TRAPPC10: variants seen among roughly 807,000 people sequenced by gnomAD.
The protein encoded by TRAPPC10 is trafficking protein particle complex subunit 10.
In TRAPPC10, 23 loss-of-function variants were observed where a neutral mutation model predicts 125.5. The observed-to-expected ratio is 0.18, with a 90% CI of 0.13 to 0.26. TRAPPC10 has a LOEUF of 0.26. Among genes scored for constraint, TRAPPC10 ranks in the 10% least tolerant of loss-of-function variants. The pLI, the probability that TRAPPC10 is intolerant of heterozygous loss-of-function variation, is 1.00. For synonymous variants in TRAPPC10, 509 were observed against 518.0 expected, an observed-to-expected ratio of 0.98 and a Z score of 0.24; for missense variants, 1,123 against 1,308.4, an observed-to-expected ratio of 0.86 and a Z score of 2.19.
At chr21:44,038,226 C>T (rs1025648679) in intron 3 of TRAPPC10, among the ~76,000 whole-genome samples, 7 of 152,284 alleles carry the variant, frequency 4.6e-5, no homozygotes, top group East Asian at 3.9e-4. Context: ...TGCGTGTTTG[C>T]GCCCTGGTCT....
intron 1 of TRAPPC10, among the ~76,000 whole-genome samples, chr21:44,016,815 C>T (rs918477440): frequency 5.9e-5 from 9 of 152,246 alleles, no homozygotes; most frequent in South Asian, 2.1e-4. Context: ...CCCGCCACCA[C>T]GCCTGGCTAA....
chr21:44,044,870 T>C (rs1450888022), intron 3 of TRAPPC10, among the ~76,000 whole-genome samples: 3 of 152,080 alleles, frequency 2.0e-5, no homozygotes, highest in African/African-American at 7.2e-5. Flanking sequence ...TCTGCCATGT[T>C]GGCCAGGCCA....
At chr21:44,076,681 G>A in intron 10 of TRAPPC10, 53 bp downstream of exon 10, 1 of 1,488,284 alleles carries the variant, frequency 6.7e-7, no homozygotes, top group Non-Finnish European at 9.4e-7. Context: ...GTCTCTAGAA[G>A]GCTTTGCTAC....
rs867147317 is a variant in TRAPPC10 at position 44,051,117 on chromosome 21, T to C, written c.286-1163T>C. ...TGGGGTTTCACCATGTTGCCCAAGC[T>C]GGTCTTGAACTCCTGAGCTCAGGCA... On this transcript the variant is annotated intron_variant, in intron 3 of 22. Coordinates refer to ENST00000291574, the MANE Select transcript of TRAPPC10 (RefSeq NM_003274.5). 4.9e-4 allele frequency among the ~76,000 whole-genome samples: 74 copies of C among 152,314 alleles called. 1 individual carries two copies. The Middle Eastern group carries it at 0.02, about 42-fold the overall frequency.
At chr21:44,017,806 G>A (rs915918332) in intron 1 of TRAPPC10, among the ~76,000 whole-genome samples, 2 of 151,812 alleles carry the variant, frequency 1.3e-5, no homozygotes, top group Admixed American at 6.6e-5. Context: ...GTTTTGCGAC[G>A]ATAATGATGT....
At chr21:44,023,573 C>T (rs971812432) in intron 1 of TRAPPC10, among the ~76,000 whole-genome samples, 8 of 152,152 alleles carry the variant, frequency 5.3e-5, no homozygotes, top group Non-Finnish European at 4.4e-5. Flanking sequence ...TCTTTCCTAT[C>T]TAGCCTGACA....
rs143882437 is a variant in TRAPPC10 at position 44,060,470 on chromosome 21, C to T, written c.790+1256C>T. On this transcript the variant is annotated intron_variant, in intron 6 of 22. Coordinates refer to ENST00000291574, the MANE Select transcript of TRAPPC10 (RefSeq NM_003274.5). ...TAATGTTTTGTATTTTTAGTAGAGA[C>T]GGGTTTTCACCATGTTAGCCAGGAT... Among the ~76,000 whole-genome samples the T allele has an allele frequency of 4.2e-3, 644 of 152,050 alleles. 1 individual carries two copies. Among genetic ancestry groups the T allele is most frequent in the South Asian group, 8.3e-3 (40 of 4,820 alleles).
Position 44,041,053 on chromosome 21 carries a change from A to T in TRAPPC10, c.285+3126A>T, listed in dbSNP as rs560385808. On this transcript the variant is annotated intron_variant, in intron 3 of 22. Coordinates refer to ENST00000291574, the MANE Select transcript of TRAPPC10 (RefSeq NM_003274.5). ...GGAGTTTTTGCATCTATAATTCACA[A>T]GTGGTTGATCGGTAACTTTTGTTTT... is the stretch of plus-strand genomic sequence containing the variant. Among the ~76,000 whole-genome samples the T allele has an allele frequency of 4.1e-4, 63 of 152,328 alleles. No individual in the cohort carries two copies. The Middle Eastern group carries it at 0.01, about 25-fold the overall frequency.
chr21:44,055,730 C>G lies in TRAPPC10; in HGVS notation c.515C>G (p.Ser172Cys), dbSNP rs2035542580. 1 of 1,612,186 alleles carries G rather than the reference C, an allele frequency of 6.2e-7. No homozygotes were observed. The highest frequency in any genetic ancestry group is 8.5e-7 in the Non-Finnish European group (1 of 1,178,562). ...CVVLSDPLKD[S>C]SRTQESWNAF... ...GTGCTCTCCGACCCCTTGAAGGACT[C>G]TTCTCGAACTCAGGAATCCTGGAAT... The change falls in exon 5 of 23, where the codon TCT becomes TGT. Residue 172 changes from serine (S) to cysteine (C), a missense_variant. This residue lies in a region of TRAPPC10 where 177 missense variants were observed against 228.9 expected (regional missense o/e 0.77). Transcript: ENST00000291574.
chr21:44,052,671 A>C (rs1223678043), intron 4 of TRAPPC10, among the ~76,000 whole-genome samples, 195 bp downstream of exon 4: 2 of 151,224 alleles, frequency 1.3e-5, no homozygotes, highest in Non-Finnish European at 2.9e-5. Context: ...TCATCCCCCG[A>C]GTGTGCTGCC....
intron 4 of TRAPPC10, 97 bp downstream of exon 4, chr21:44,052,573 CGAGT>C (rs1723408928): frequency 8.5e-7 from 1 of 1,172,732 alleles, no homozygotes; most frequent in African/African-American, 1.5e-5. Flanking sequence ...TCAGCAATCT[CGAGT>C]GAGTGTCCAT....
rs746227586 is a variant in TRAPPC10, at chr21:44,094,127, C to A, written c.3062C>A (p.Pro1021His). 8.1e-6 allele frequency: 13 copies of A among 1,614,120 alleles called. No homozygotes were observed. Among genetic ancestry groups the A allele is most frequent in the Non-Finnish European group, 1.0e-5 (12 of 1,180,052 alleles). Reference protein sequence around the residue: ...WELKWTEEPPPSLHCRFSVGF... With the variant: ...WELKWTEEPPHSLHCRFSVGF... ...CTCAAGTGGACAGAAGAGCCTCCCC[C>A]TTCTCTGCATTGCCGGTTCTCTGTT... Residue 1021 changes from proline (P) to histidine (H), a missense_variant, in exon 20 of 23, where the codon CCT becomes CAT. By Grantham distance (77) the Pro-to-His change is moderately conservative. This residue lies in a region of TRAPPC10 where 840 missense variants were observed against 902.0 expected (regional missense o/e 0.93). Transcript: ENST00000291574.
chr21:44,014,099 T>A lies in TRAPPC10; in HGVS notation c.67+1539T>A, dbSNP rs531996212. Among the ~76,000 whole-genome samples, 101 of 152,354 alleles carry A rather than the reference T, an allele frequency of 6.6e-4. 1 individual carries two copies. Among genetic ancestry groups the A allele is most frequent in the African/African-American group, 2.4e-3 (100 of 41,582 alleles). On this transcript the variant is annotated intron_variant, in intron 1 of 22. Coordinates refer to ENST00000291574, the MANE Select transcript of TRAPPC10 (RefSeq NM_003274.5). ...CTGTACGGACATCCACACATCTAAT[T>A]TTATCTTCTACCTCCTAGCTTGCTT... is the stretch of plus-strand genomic sequence containing the variant.
chr21:44,051,750 C>T lies in TRAPPC10; in HGVS notation c.286-530C>T, dbSNP rs571353594. ...CTCTGACACGGCCTTCGCAGACTTG[C>T]GGTTGGGGTGGTTCCCAGGGGTACA... On this transcript the variant is annotated intron_variant, in intron 3 of 22. Coordinates refer to ENST00000291574, the MANE Select transcript of TRAPPC10 (RefSeq NM_003274.5). Among the ~76,000 whole-genome samples, 11 of 152,308 alleles carry T rather than the reference C, an allele frequency of 7.2e-5. No individual in the cohort carries two copies. In the East Asian group the frequency reaches 7.7e-4, roughly 11 times the overall value.
At chr21:44,084,642 C>T (rs7277998) in intron 15 of TRAPPC10, among the ~76,000 whole-genome samples, 1,701 of 152,286 alleles carry the variant, frequency 0.011, 34 homozygotes, top group African/African-American at 0.039. Context: ...AGCAAGCAGT[C>T]GGTCCTGCAA....
chr21:44,063,155 A>G lies in TRAPPC10; in HGVS notation c.791-383A>G. The G allele has an allele frequency of 3.1e-6, 4 of 1,302,498 alleles. No homozygotes were observed. Among genetic ancestry groups the G allele is most frequent in the Non-Finnish European group, 4.0e-6 (4 of 991,818 alleles). 80.7% of individuals were successfully genotyped at this position (1,302,498 alleles called of 1,614,324 possible). A position where few individuals can be genotyped will look rare whatever the true frequency, so the allele number is the denominator to read the frequency against. Reference sequence around the variant, plus strand: ...CACCAGGATGGTCAGAGCAGGCTGCACTCCAGCCCACAGGTAAAGATAAGG... The same window carrying G: ...CACCAGGATGGTCAGAGCAGGCTGCGCTCCAGCCCACAGGTAAAGATAAGG... On this transcript the variant is annotated intron_variant, in intron 6 of 22. Transcript: ENST00000291574. This position sits in a 1 kb window ranked among gnomAD's most constrained non-coding sequence, Gnocchi z 4.4.
Position 44,082,133 on chromosome 21 carries a change from C to T in TRAPPC10, c.1724-655C>T, listed in dbSNP as rs1185849357. Among the ~76,000 whole-genome samples the T allele has an allele frequency of 2.0e-5, 3 of 152,208 alleles. No homozygotes were observed. Among genetic ancestry groups the T allele is most frequent in the Admixed American group, 6.5e-5 (1 of 15,280 alleles). Reference sequence around the variant, plus strand: ...TGGCATCAGTCTTGGCAAGTCCTTTCGTTGATGAATATTTAATAAATACTT... The same window carrying T: ...TGGCATCAGTCTTGGCAAGTCCTTTTGTTGATGAATATTTAATAAATACTT... On this transcript the variant is annotated intron_variant, in intron 13 of 22. Coordinates refer to ENST00000291574, the MANE Select transcript of TRAPPC10 (RefSeq NM_003274.5). This position sits in a 1 kb window ranked among gnomAD's most constrained non-coding sequence, Gnocchi z 4.4.
chr21:44,031,332 T>G (rs1221299185), intron 1 of TRAPPC10, among the ~76,000 whole-genome samples: 1 of 152,242 alleles, frequency 6.6e-6, no homozygotes, highest in African/African-American at 2.4e-5. Flanking sequence ...TAAAAGGTTC[T>G]TTTTTAGCCG....
chr21:44,059,070 TG>T lies in TRAPPC10; in HGVS notation c.679-32del. 1 of 1,524,846 alleles carries T rather than the reference TG, an allele frequency of 6.6e-7. No individual in the cohort carries two copies. The highest frequency in any genetic ancestry group is 8.9e-7 in the Non-Finnish European group (1 of 1,125,068). The allele number at this position is 1,524,846 out of a possible 1,614,324, so 94.5% of individuals were successfully genotyped here. On this transcript the variant is annotated intron_variant, in intron 5 of 22. Transcript: ENST00000291574. The surrounding 1 kb of genome is among the most constrained non-coding windows in gnomAD (Gnocchi z 4.4). ...TCTTCTATACATTGATTTATGTTTT[TG>T]TTTTTTTAAAAAACGTATCTTGGGC... is the stretch of plus-strand genomic sequence containing the variant.
Sources: allele counts gnomAD v4.1 joint callset (sites outside exome capture counted in the v4.1 genomes callset), GRCh38; gene constraint gnomAD v4.1.1; regional missense constraint gnomAD v4.1.1; non-coding constraint Gnocchi (gnomAD v3.1); transcripts MANE v1.5; gene names NCBI Gene and HGNC (gene_info 2026-07-23, HGNC 2026-07-21).